Variants in NAXD observed in about 807,000 individuals in gnomAD.
The protein encoded by NAXD is NAD(P)HX dehydratase.
NAXD carries 22 observed loss-of-function variants against 35.8 expected under a neutral mutation model. The ratio of observed to expected loss-of-function variants is 0.62; its 90% CI spans 0.44 to 0.88. The LOEUF (loss-of-function observed/expected upper bound fraction) is 0.88, where lower values mean the gene tolerates loss of function less well. NAXD is among the 40% of genes least tolerant of loss of function. The probability of loss-of-function intolerance (pLI) is 0.00; values close to 1 mark genes in which losing one functional copy is unlikely to be tolerated. For missense variants in NAXD, 428 were observed against 437.7 expected, an observed-to-expected ratio of 0.98 and a Z score of 0.20; for synonymous variants, 189 against 177.6, an observed-to-expected ratio of 1.06 and a Z score of -0.51.
At chr13:110,637,389 C>T (rs567699584) in intron 9 of NAXD, 140 bp downstream of exon 9, 29 of 1,043,542 alleles carry the variant, frequency 2.8e-5, no homozygotes, top group Middle Eastern at 4.2e-4. Flanking sequence ...TCGGCACAGA[C>T]GAACCCTCTT....
intron 1 of NAXD, among the ~76,000 whole-genome samples, chr13:110,620,090 C>T (rs1053482328): frequency 3.3e-5 from 5 of 151,938 alleles, no homozygotes; most frequent in Admixed American, 2.0e-4. Flanking sequence ...GGAGCCACTG[C>T]GCCTGGCCCC....
chr13:110,626,065 C>T (rs1288342022), intron 4 of NAXD, among the ~76,000 whole-genome samples: 1 of 152,042 alleles, frequency 6.6e-6, no homozygotes, highest in Non-Finnish European at 1.5e-5. Flanking sequence ...TGTGATGTGT[C>T]GGGTGACCAA....
chr13:110,635,695 C>A, intron 8 of NAXD, 107 bp downstream of exon 8: 1 of 1,250,044 alleles, frequency 8.0e-7, no homozygotes, highest in Non-Finnish European at 1.1e-6. Context: ...CGTGTTCACA[C>A]ACATTCACAC....
At chr13:110,634,439 C>A in intron 5 of NAXD, 106 bp from the exon 6 acceptor site, 1 of 1,196,852 alleles carries the variant, frequency 8.4e-7, no homozygotes, top group Non-Finnish European at 1.2e-6. Context: ...CCCCACCTCC[C>A]AGGACCCTTC....
chr13:110,635,986 A>G (rs1226323306), intron 8 of NAXD, among the ~76,000 whole-genome samples: 5 of 152,170 alleles, frequency 3.3e-5, no homozygotes, highest in African/African-American at 9.7e-5. Context: ...ATTGCATTTC[A>G]TTCTCTTTTA....
chr13:110,619,725 G>A (rs954984471), intron 1 of NAXD, among the ~76,000 whole-genome samples: 3 of 152,098 alleles, frequency 2.0e-5, no homozygotes, highest in African/African-American at 7.2e-5. Flanking sequence ...GGTAGAAGCC[G>A]GGGATGCTGC....
intron 1 of NAXD, among the ~76,000 whole-genome samples, chr13:110,621,803 G>A (rs146123100): frequency 0.017 from 2,577 of 152,272 alleles, 41 homozygotes; most frequent in Middle Eastern, 0.034. Context: ...GCTGCAGCTG[G>A]CAGATCACTT....
intron 1 of NAXD, among the ~76,000 whole-genome samples, chr13:110,617,502 C>T (rs1886103787): frequency 6.6e-6 from 1 of 152,208 alleles, no homozygotes. Context: ...AGTAAGCCAG[C>T]TGGAACTTGC....
chr13:110,623,123 T>C (rs573698733), intron 2 of NAXD, among the ~76,000 whole-genome samples: 1 of 152,338 alleles, frequency 6.6e-6, no homozygotes, highest in South Asian at 2.1e-4. Flanking sequence ...ACAAGCTTTC[T>C]TGTTGTTTTA....
At position 110,627,366 on chromosome 13, in the gene NAXD, T is replaced by G. The variant is rs954118928; in HGVS notation, c.333-73T>G. ...TATAAGTTATTTTTTCAAAATAAAATGTAAACAAATACATGACAGTAAGTA... is the reference window on the plus strand; with the variant it reads ...TATAAGTTATTTTTTCAAAATAAAAGGTAAACAAATACATGACAGTAAGTA... On this transcript the variant is annotated intron_variant, in intron 4 of 9. Coordinates refer to ENST00000680254, the MANE Select transcript of NAXD (RefSeq NM_001242882.2). 1.4e-5 allele frequency: 13 copies of G among 921,896 alleles called. No homozygotes were observed. In the African/African-American group the frequency reaches 2.0e-4, roughly 14 times the overall value. 57.1% of individuals were successfully genotyped at this position (921,896 alleles called of 1,614,324 possible). A position where few individuals can be genotyped will look rare whatever the true frequency, so the allele number is the denominator to read the frequency against.
chr13:110,638,416 C>G lies in NAXD; in HGVS notation c.878C>G (p.Ser293Cys). The G allele has an allele frequency of 3.7e-6, 6 of 1,613,686 alleles. No individual in the cohort carries two copies. Among genetic ancestry groups the G allele is most frequent in the Non-Finnish European group, 5.1e-6 (6 of 1,180,018 alleles). The change falls in exon 10 of 10, where the codon TCT becomes TGT. Residue 293 changes from serine (S) to cysteine (C), a missense_variant. This residue lies in a region of NAXD where 209 missense variants were observed against 214.6 expected (regional missense o/e 0.97). Transcript: ENST00000680254. The surrounding 1 kb of genome is among the most constrained non-coding windows in gnomAD (Gnocchi z 5.4). ...PLLVAAFGAC[S>C]LTRQCNHQAF... ...CTGGTGGCCGCGTTTGGCGCCTGCT[C>G]TCTCACCAGGCAGTGCAACCACCAA...
intron 9 of NAXD, chr13:110,637,754 C>T (rs1300660951): frequency 2.2e-6 from 1 of 461,516 alleles, no homozygotes; most frequent in Non-Finnish European, 4.3e-6. Context: ...TTCTGTGAGC[C>T]CATCAAGGTG....
intron 1 of NAXD, among the ~76,000 whole-genome samples, chr13:110,620,982 T>A (rs1301428775): frequency 1.3e-5 from 2 of 152,260 alleles, no homozygotes; most frequent in African/African-American, 4.8e-5. Flanking sequence ...CTGTTTTAAA[T>A]ATTAAGGTAA....
At position 110,627,444 on chromosome 13, in the gene NAXD, G is replaced by A. The variant is rs746345462; in HGVS notation, c.338G>A (p.Ser113Asn). 5.0e-6 allele frequency: 8 copies of A among 1,612,622 alleles called. No individual in the cohort carries two copies. The highest frequency in any genetic ancestry group is 6.8e-6 in the Non-Finnish European group (8 of 1,178,768). ...PELIVHPVLD[S>N]PNAVHEVEKW... ...GCCTTCCTTTCCTTCTTTAGTGACAGCCCCAATGCTGTTCATGAGGTGGAG... is the reference window on the plus strand; with the variant it reads ...GCCTTCCTTTCCTTCTTTAGTGACAACCCCAATGCTGTTCATGAGGTGGAG... Residue 113 changes from serine to asparagine, a missense_variant, in exon 5 of 10, where the codon AGC becomes AAC. Ser to Asn is a conservative substitution (Grantham distance 46, BLOSUM62 1). Around this residue, in one of 3 missense-constraint regions of NAXD, gnomAD observed 208 missense variants for 193.0 expected, o/e 1.08. Coordinates refer to ENST00000680254, the MANE Select transcript of NAXD (RefSeq NM_001242882.2).
At chr13:110,616,192 C>T (rs539795628) in intron 1 of NAXD, 1 of 183,424 alleles carries the variant, frequency 5.5e-6, no homozygotes, top group East Asian at 1.4e-4. Context: ...CGGGGGCCCT[C>T]CTGGGGCCCA....
chr13:110,629,077 C>T (rs1412743379), intron 5 of NAXD, among the ~76,000 whole-genome samples: 8 of 152,154 alleles, frequency 5.3e-5, no homozygotes, highest in African/African-American at 1.7e-4. Flanking sequence ...CGTGGGCTGC[C>T]GCCTCCTCGT....
intron 8 of NAXD, among the ~76,000 whole-genome samples, chr13:110,636,378 TC>T (rs376412239): frequency 4.6e-5 from 7 of 152,230 alleles, no homozygotes; most frequent in Non-Finnish European, 8.8e-5. Context: ...CGCATGCAAT[TC>T]ATACACATGC....
At chr13:110,615,694 C>A in intron 1 of NAXD, 47 bp downstream of exon 1, 1 of 1,522,148 alleles carries the variant, frequency 6.6e-7, no homozygotes. Context: ...CGCGCGGGGG[C>A]CGGAACTGCC....
At position 110,634,503 on chromosome 13, in the gene NAXD, A is replaced by C. The variant is rs778583945; in HGVS notation, c.442-42A>C. On this transcript the variant is annotated intron_variant, in intron 5 of 9. Transcript: ENST00000680254. ...TTGAGAAGACACATACCCACACCAT[A>C]GCAGCAGGCATGGTGCTCAGTCTGG... is the stretch of plus-strand genomic sequence containing the variant. 3 of 1,594,520 alleles carry C rather than the reference A, an allele frequency of 1.9e-6. No homozygotes were observed. In the South Asian group the frequency reaches 3.3e-5, roughly 18 times the overall value.
Sources: gnomAD v4.1 joint callset for allele counts (sites outside exome capture counted in the v4.1 genomes callset) on GRCh38, gnomAD v4.1.1 for gene constraint, gnomAD v4.1.1 regional missense constraint, Gnocchi (gnomAD v3.1) non-coding constraint, MANE v1.5 for transcripts, NCBI Gene and HGNC (gene_info 2026-07-23, HGNC 2026-07-21) for gene names.